The following ADAMTS2 variants were observed in gnomAD, a reference collection of about 807,000 sequenced individuals.
ADAMTS2 encodes the protein A disintegrin and metalloproteinase with thrombospondin motifs 2.
In ADAMTS2, 50 loss-of-function variants were observed where a neutral mutation model predicts 123.0. The ratio of observed to expected loss-of-function variants is 0.41; its 90% confidence interval spans 0.32 to 0.51. The LOEUF (loss-of-function observed/expected upper bound fraction) is 0.51. ADAMTS2 is among the 20% of genes least tolerant of loss of function. The probability of loss-of-function intolerance (pLI) is 0.35; values close to 1 mark genes in which losing one functional copy is unlikely to be tolerated. For missense variants in ADAMTS2, 1,494 were observed against 1,705.2 expected (o/e 0.88, Z 2.18); for synonymous variants, 678 against 695.4 (o/e 0.98, Z 0.39).
intron 10 of ADAMTS2, among the ~76,000 whole-genome samples, chr5:179,148,983 C>T (rs1159917769): frequency 6.6e-6 from 1 of 152,002 alleles, no homozygotes; most frequent in Non-Finnish European, 1.5e-5. Context: ...ATTACCTCAT[C>T]TCTTGCCCCC....
In ADAMTS2 at chr5:179,189,351, T is replaced by A. The variant is rs1764246300; in HGVS notation, c.892-8196A>T. On this transcript the variant is annotated intron_variant, in intron 4 of 21. Transcript: ENST00000251582. This position sits in a 1 kb window ranked among gnomAD's most constrained non-coding sequence, Gnocchi z 4.2. Reference sequence around the variant, plus strand: ...GGATAGACGGTGGAGTTAGGAGCAATTTTTTTTTTTTTTTGAGACGGAGTC... The same window carrying A: ...GGATAGACGGTGGAGTTAGGAGCAAATTTTTTTTTTTTTTGAGACGGAGTC... 9.4e-6 allele frequency among the ~76,000 whole-genome samples: 1 copy of A among 106,304 alleles called. No individual in the cohort carries two copies. Among genetic ancestry groups the A allele is most frequent in the South Asian group, 2.6e-4 (1 of 3,856 alleles). The allele number at this position is 106,304 out of a possible 152,430, so 69.7% of individuals were successfully genotyped here. A position where few individuals can be genotyped will look rare whatever the true frequency, so the allele number is the denominator to read the frequency against.
At chr5:179,182,299 G>A (rs1042417575) in intron 4 of ADAMTS2, among the ~76,000 whole-genome samples, 1 of 152,222 alleles carries the variant, frequency 6.6e-6, no homozygotes. Flanking sequence ...AAGAAGTGGA[G>A]AAACAGGGAC....
At chr5:179,286,693 C>A (rs1756030511) in intron 2 of ADAMTS2, among the ~76,000 whole-genome samples, 1 of 152,172 alleles carries the variant, frequency 6.6e-6, no homozygotes, top group African/African-American at 2.4e-5. Context: ...CCGGCGCCTT[C>A]CCTAGGTTGC....
rs927077982 is a variant in ADAMTS2, at chr5:179,307,543, T to C, written c.535-34479A>G. On this transcript the variant is annotated intron_variant, in intron 2 of 21. Coordinates refer to ENST00000251582, the MANE Select transcript of ADAMTS2 (RefSeq NM_014244.5). This position sits in a 1 kb window ranked among gnomAD's most constrained non-coding sequence, Gnocchi z 5.6. ...CCCAAGCCTGTGACCTCATTCTCTA[T>C]GCTCCTCACGGCTGCCCCACAGAAT... Among the ~76,000 whole-genome samples the C allele has an allele frequency of 3.9e-5, 6 of 152,142 alleles. No individual in the cohort carries two copies. The highest frequency in any genetic ancestry group is 8.8e-5 in the Non-Finnish European group (6 of 68,014).
intron 2 of ADAMTS2, among the ~76,000 whole-genome samples, chr5:179,284,057 G>A (rs564499236): frequency 2.3e-4 from 35 of 151,450 alleles, no homozygotes; most frequent in African/African-American, 7.3e-4. Flanking sequence ...CCAACCGGGC[G>A]CAGTGGCTCA....
At chr5:179,230,628 C>A (rs1242858014) in intron 3 of ADAMTS2, among the ~76,000 whole-genome samples, 2 of 152,344 alleles carry the variant, frequency 1.3e-5, no homozygotes, top group Non-Finnish European at 2.9e-5. Context: ...GGTGTGTCTG[C>A]GTCTATACAG....
chr5:179,309,160 G>A (rs1038470429), intron 2 of ADAMTS2, among the ~76,000 whole-genome samples: 2 of 152,238 alleles, frequency 1.3e-5, no homozygotes, highest in South Asian at 2.1e-4. Context: ...TGTGTTCCCC[G>A]GGTAGAGGCC....
chr5:179,159,338 G>A (rs1763551635), intron 5 of ADAMTS2, among the ~76,000 whole-genome samples: 1 of 152,222 alleles, frequency 6.6e-6, no homozygotes, highest in African/African-American at 2.4e-5. Flanking sequence ...GGTGTGCAAG[G>A]CCAGAGGAAG....
At chr5:179,261,045 C>T (rs1302332515) in intron 3 of ADAMTS2, among the ~76,000 whole-genome samples, 2 of 152,150 alleles carry the variant, frequency 1.3e-5, no homozygotes, top group African/African-American at 2.4e-5. Context: ...GAAAAACAGA[C>T]TTTTGTGCAA....
In ADAMTS2 at chr5:179,114,151, C is replaced by T. The variant is rs148717330; in HGVS notation, c.3352G>A (p.Val1118Met). The part of the protein sequence containing the change: ...PPPGKHNDID[V>M]FMPTLPVPTV... ...GGCACTGGGAGGGTAGGCATGAACA[C>T]GTCAATGTCGTTGTGCTTCCCAGGC... is the stretch of plus-strand genomic sequence containing the variant. Residue 1118 changes from valine to methionine, a missense_variant, in exon 22 of 22, where the codon GTG becomes ATG. Val to Met is a conservative substitution (Grantham distance 21, BLOSUM62 1). This residue lies in a region of ADAMTS2 where 953 missense variants were observed against 1,124.7 expected (regional missense o/e 0.85). Coordinates refer to ENST00000251582, the MANE Select transcript of ADAMTS2 (RefSeq NM_014244.5). 1.0e-4 allele frequency: 164 copies of T among 1,613,132 alleles called. No individual in the cohort carries two copies. The highest frequency in any genetic ancestry group is 3.5e-4 in the Admixed American group (21 of 59,986).
At chr5:179,263,341 G>A (rs1766280367) in intron 3 of ADAMTS2, among the ~76,000 whole-genome samples, 1 of 140,652 alleles carries the variant, frequency 7.1e-6, no homozygotes, top group East Asian at 2.1e-4. Context: ...ATGATTTGGG[G>A]AGCAGCATTA....
chr5:179,120,421 C>G (rs1218049324), intron 21 of ADAMTS2: 2 of 152,272 alleles, frequency 1.3e-5, no homozygotes, highest in East Asian at 3.9e-4. Context: ...CTTCCCCAGT[C>G]GCGCGTGTCG....
rs539589913 is a variant in ADAMTS2, at chr5:179,155,668, C to G, written c.1133-749G>C. ...AACTGAGGAAGATGGATAATGAGACCTATTCACTTCCCCAGCTCCTGTCTC... is the reference window on the plus strand; with the variant it reads ...AACTGAGGAAGATGGATAATGAGACGTATTCACTTCCCCAGCTCCTGTCTC... On this transcript the variant is annotated intron_variant, in intron 6 of 21. Coordinates refer to ENST00000251582, the MANE Select transcript of ADAMTS2 (RefSeq NM_014244.5). This position sits in a 1 kb window ranked among gnomAD's most constrained non-coding sequence, Gnocchi z 5.1. Among the ~76,000 whole-genome samples, 20 of 152,314 alleles carry G rather than the reference C, an allele frequency of 1.3e-4. No homozygotes were observed. The highest frequency in any genetic ancestry group is 4.8e-4 in the African/African-American group (20 of 41,570).
intron 17 of ADAMTS2, among the ~76,000 whole-genome samples, chr5:179,126,728 G>A (rs894019719): frequency 6.6e-6 from 1 of 152,228 alleles, no homozygotes; most frequent in African/African-American, 2.4e-5. Context: ...CCCAGGCTTC[G>A]AAACCCTGGC....
intron 2 of ADAMTS2, among the ~76,000 whole-genome samples, chr5:179,315,555 C>A (rs1395431670): frequency 6.6e-6 from 1 of 152,256 alleles, no homozygotes; most frequent in Non-Finnish European, 1.5e-5. Context: ...CCTAGCACCA[C>A]CAGCCACAGT....
At chr5:179,325,898 G>A (rs373632823) in intron 2 of ADAMTS2, among the ~76,000 whole-genome samples, 1 of 152,238 alleles carries the variant, frequency 6.6e-6, no homozygotes, top group African/African-American at 2.4e-5. Context: ...AGGTGTGGAT[G>A]GGAGGACAGG....
intron 3 of ADAMTS2, among the ~76,000 whole-genome samples, chr5:179,218,075 C>G (rs456135): frequency 0.13 from 19,928 of 152,260 alleles, 1,532 homozygotes; most frequent in African/African-American, 0.2. Flanking sequence ...AACTGCCACA[C>G]TGCCCAGAAG....
intron 2 of ADAMTS2, among the ~76,000 whole-genome samples, chr5:179,326,155 G>A (rs1757311595): frequency 6.6e-6 from 1 of 152,022 alleles, no homozygotes. Context: ...TTGACTAATT[G>A]TTTTCAGGTG....
chr5:179,271,577 C>A (rs893042145), intron 3 of ADAMTS2, among the ~76,000 whole-genome samples: 1 of 152,174 alleles, frequency 6.6e-6, no homozygotes, highest in Non-Finnish European at 1.5e-5. Context: ...GCAAAATAGT[C>A]CAAGGGTGGG....
Sources: allele counts gnomAD v4.1 joint callset (sites outside exome capture counted in the v4.1 genomes callset), GRCh38; gene constraint gnomAD v4.1.1; regional missense constraint gnomAD v4.1.1; non-coding constraint Gnocchi (gnomAD v3.1); transcripts MANE v1.5; gene names NCBI Gene and HGNC (gene_info 2026-07-23, HGNC 2026-07-21).